RIMBP2: variants seen among roughly 807,000 people sequenced by gnomAD.
RIMBP2 encodes the protein RIMS-binding protein 2.
RIMBP2 carries 48 observed loss-of-function variants against 118.6 expected under a neutral mutation model. The observed-to-expected ratio is 0.40, with a 90% CI of 0.32 to 0.51. The LOEUF is 0.51. Among genes scored for constraint, RIMBP2 ranks in the 20% least tolerant of loss-of-function variants. RIMBP2 has a pLI of 0.41. For missense variants in RIMBP2, 1,551 were observed against 1,768.3 expected (o/e 0.88, Z 2.20); for synonymous variants, 762 against 742.9 (o/e 1.03, Z -0.42).
chr12:130,487,414 G>C (rs1188932582), intron 4 of RIMBP2, among the ~76,000 whole-genome samples: 1 of 152,074 alleles, frequency 6.6e-6, no homozygotes, highest in Non-Finnish European at 1.5e-5. Context: ...GGTTGTTTAA[G>C]GGAGCCTGGC....
Position 130,525,220 on chromosome 12 carries a change from T to C in RIMBP2, c.-216-7303A>G, listed in dbSNP as rs1193980027. 6.6e-6 allele frequency among the ~76,000 whole-genome samples: 1 copy of C among 152,180 alleles called. No homozygotes were observed. Among genetic ancestry groups the C allele is most frequent in the Non-Finnish European group, 1.5e-5 (1 of 68,022 alleles). ...ATGGGAAGCCAGCTCCAGGCTTTTC[T>C]AGGAGCTGAGTGACCAGAGCCTTGA... On this transcript the variant is annotated intron_variant, in intron 2 of 22. Coordinates refer to ENST00000690449, the MANE Select transcript of RIMBP2 (RefSeq NM_001393629.1). The surrounding 1 kb of genome is among the most constrained non-coding windows in gnomAD (Gnocchi z 4.4).
rs565505220 is a variant in RIMBP2, at chr12:130,479,732, G to C, written c.-3-716C>G. Among the ~76,000 whole-genome samples, 24 of 152,052 alleles carry C rather than the reference G, an allele frequency of 1.6e-4. No homozygotes were observed. The South Asian group carries it at 4.6e-3, about 29-fold the overall frequency. ...CCAAATTCCTTCACTTACCCCTCTGGGAAAGTCGCAAGGTGGCCCCCATCA... is the reference window on the plus strand; with the variant it reads ...CCAAATTCCTTCACTTACCCCTCTGCGAAAGTCGCAAGGTGGCCCCCATCA... On this transcript the variant is annotated intron_variant, in intron 4 of 22. Transcript: ENST00000690449.
intron 1 of RIMBP2, among the ~76,000 whole-genome samples, chr12:130,680,794 G>A (rs961406662): frequency 1.3e-5 from 2 of 152,242 alleles, no homozygotes; most frequent in African/African-American, 2.4e-5. Context: ...CCGTGGCAGC[G>A]CGACTGAGGC....
intron 1 of RIMBP2, among the ~76,000 whole-genome samples, chr12:130,629,434 C>G (rs2061845484): frequency 6.6e-6 from 1 of 152,188 alleles, no homozygotes. Flanking sequence ...AATGTTAGTT[C>G]AAGCTAGAAT....
At chr12:130,563,514 T>C (rs1467611546) in intron 2 of RIMBP2, among the ~76,000 whole-genome samples, 2 of 152,232 alleles carry the variant, frequency 1.3e-5, no homozygotes, top group Non-Finnish European at 2.9e-5. Flanking sequence ...TCAGACTTCA[T>C]AGGGAATCAA....
At chr12:130,459,823 ACTCT>A (rs1239436021) in intron 6 of RIMBP2, among the ~76,000 whole-genome samples, 1 of 151,584 alleles carries the variant, frequency 6.6e-6, no homozygotes, top group African/African-American at 2.4e-5. Flanking sequence ...GCAGCTGCAT[ACTCT>A]CTGTGGTTTG....
chr12:130,568,271 T>TG (rs2057374882), intron 2 of RIMBP2, among the ~76,000 whole-genome samples: 1 of 152,018 alleles, frequency 6.6e-6, no homozygotes, highest in South Asian at 2.1e-4. Flanking sequence ...CACGGGGGTG[T>TG]GGGGGTTTGA....
intron 2 of RIMBP2, among the ~76,000 whole-genome samples, chr12:130,565,423 G>A (rs1408343282): frequency 6.6e-6 from 1 of 152,076 alleles, no homozygotes; most frequent in African/African-American, 2.4e-5. Context: ...CTCCCCAATG[G>A]ATCATGAGTT....
At chr12:130,630,489 C>T (rs1185652531) in intron 1 of RIMBP2, among the ~76,000 whole-genome samples, 2 of 152,138 alleles carry the variant, frequency 1.3e-5, no homozygotes, top group South Asian at 2.1e-4. Context: ...TCCTTTACTT[C>T]TATTTTGTTA....
In RIMBP2 at chr12:130,670,525, C is replaced by T. The variant is rs1383889842; in HGVS notation, c.-351-42069G>A. 6.6e-6 allele frequency among the ~76,000 whole-genome samples: 1 copy of T among 152,144 alleles called. No individual in the cohort carries two copies. Among genetic ancestry groups the T allele is most frequent in the African/African-American group, 2.4e-5 (1 of 41,436 alleles). On this transcript the variant is annotated intron_variant, in intron 1 of 22. Coordinates refer to ENST00000690449, the MANE Select transcript of RIMBP2 (RefSeq NM_001393629.1). The surrounding 1 kb of genome is among the most constrained non-coding windows in gnomAD (Gnocchi z 4.9). The stretch of plus-strand genomic sequence containing the variant: ...CTTCCCCCAGGGGTTCCATGGTCAG[C>T]TCCTTAGCCGACTTTATATATATGG...
intron 4 of RIMBP2, among the ~76,000 whole-genome samples, chr12:130,487,396 C>T (rs554469985): frequency 6.6e-6 from 1 of 152,128 alleles, no homozygotes; most frequent in Non-Finnish European, 1.5e-5. Context: ...TGAGTTCACT[C>T]GAGAGCTGGT....
In RIMBP2 at chr12:130,437,256, C is replaced by T. The variant is rs774066345; in HGVS notation, c.1692G>A (p.Thr564=). 1.0e-5 allele frequency: 16 copies of T among 1,583,942 alleles called. No individual in the cohort carries two copies. Among genetic ancestry groups the T allele is most frequent in the East Asian group, 2.3e-5 (1 of 44,012 alleles). ...AEVIFPTADS[T]AVELVRLRSL... ...TCCGCAGCCGCACAAGCTCCACGGCCGTGCTGTCTGCCGTGGGGAAGATGA... is the reference window on the plus strand; with the variant it reads ...TCCGCAGCCGCACAAGCTCCACGGCTGTGCTGTCTGCCGTGGGGAAGATGA... The change falls in exon 13 of 23, where the codon ACG becomes ACA. Residue 564 remains threonine (T), a synonymous_variant. Coordinates refer to ENST00000690449, the MANE Select transcript of RIMBP2 (RefSeq NM_001393629.1).
intron 2 of RIMBP2, among the ~76,000 whole-genome samples, chr12:130,608,829 C>G (rs115207690): frequency 0.012 from 1,845 of 152,118 alleles, 46 homozygotes; most frequent in African/African-American, 0.042. Context: ...CATTTTTAAC[C>G]AATACATCGT....
At chr12:130,504,047 A>AG (rs1046941820) in intron 4 of RIMBP2, among the ~76,000 whole-genome samples, 7 of 152,142 alleles carry the variant, frequency 4.6e-5, no homozygotes, top group South Asian at 2.1e-4. Flanking sequence ...TGCTGGGAGC[A>AG]GGGGGGGGTG....
intron 14 of RIMBP2, chr12:130,432,259 C>G: frequency 2.2e-6 from 1 of 456,576 alleles, no homozygotes; most frequent in Non-Finnish European, 4.4e-6. Flanking sequence ...AATTCCAGCT[C>G]TGTTAGGAGA....
rs1038931040 is a variant in RIMBP2 at position 130,424,757 on chromosome 12, C to A, written c.2514G>T (p.Ala838=). ...GCCCACAGCACTCTCCGTCCTCTTC[C>A]GCTACTTCGGGGATACTGAAAAGTC... The part of the protein sequence containing the change: ...RKRLFSIPEV[A]EEDGECCGLL... Residue 838 remains alanine, a synonymous_variant, in exon 16 of 23, where the codon GCG becomes GCT. Transcript: ENST00000690449. The surrounding 1 kb of genome is among the most constrained non-coding windows in gnomAD (Gnocchi z 9.8). 3.2e-6 allele frequency: 4 copies of A among 1,232,412 alleles called. No individual in the cohort carries two copies. The highest frequency in any genetic ancestry group is 4.0e-6 in the Non-Finnish European group (4 of 988,194). The allele number at this position is 1,232,412 out of a possible 1,614,324, so 76.3% of individuals were successfully genotyped here.
intron 1 of RIMBP2, among the ~76,000 whole-genome samples, chr12:130,697,337 C>T (rs1430584878): frequency 6.6e-6 from 1 of 152,196 alleles, no homozygotes; most frequent in East Asian, 1.9e-4. Context: ...GCCTGAGTAA[C>T]ATAGCAAGAC....
chr12:130,535,720 T>TAC (rs1428420176), intron 2 of RIMBP2, among the ~76,000 whole-genome samples: 27 of 70,008 alleles, frequency 3.9e-4, no homozygotes, highest in Middle Eastern at 5.8e-3. Flanking sequence ...TACATATACA[T>TAC]ATATATACAT....
chr12:130,485,511 C>T (rs937353305), intron 4 of RIMBP2, among the ~76,000 whole-genome samples: 9 of 152,264 alleles, frequency 5.9e-5, no homozygotes, highest in Non-Finnish European at 1.2e-4. Flanking sequence ...TCGACTTCCT[C>T]GCGGCCCACC....
Sources: allele counts gnomAD v4.1 joint callset (sites outside exome capture counted in the v4.1 genomes callset), GRCh38; gene constraint gnomAD v4.1.1; non-coding constraint Gnocchi (gnomAD v3.1); transcripts MANE v1.5; gene names NCBI Gene and HGNC (gene_info 2026-07-23, HGNC 2026-07-21).